The following RNFT2 variants were observed in gnomAD, a reference collection of about 807,000 sequenced individuals.
The protein encoded by RNFT2 is ring finger protein, transmembrane 2.
A neutral mutation model predicts 53.0 loss-of-function variants in RNFT2; 36 were observed. That is an observed-to-expected ratio of 0.68 (90% CI 0.52 to 0.90). The LOEUF (loss-of-function observed/expected upper bound fraction) is 0.90. Ranked by LOEUF, RNFT2 falls within the 40% of genes least tolerant of loss-of-function variation. The probability of loss-of-function intolerance (pLI) is 0.00; values close to 1 mark genes in which losing one functional copy is unlikely to be tolerated. For missense variants in RNFT2, 514 were observed against 585.6 expected (o/e 0.88, Z 1.26); for synonymous variants, 260 against 253.2 (o/e 1.03, Z -0.26).
chr12:116,830,012 G>A (rs1340999554), intron 7 of RNFT2, among the ~76,000 whole-genome samples: 3 of 151,946 alleles, frequency 2.0e-5, no homozygotes, highest in South Asian at 2.1e-4. Context: ...AATAATATGA[G>A]CATTTGCTTG....
At chr12:116,849,004 G>A (rs982467518) in intron 10 of RNFT2, among the ~76,000 whole-genome samples, 6 of 151,946 alleles carry the variant, frequency 3.9e-5, no homozygotes, top group Non-Finnish European at 5.9e-5. Flanking sequence ...TTTTTTAGTA[G>A]AGACTGGTTT....
rs138132289 is a variant in RNFT2 at position 116,847,298 on chromosome 12, C to T, written c.1201-2016C>T. 4.1e-3 allele frequency among the ~76,000 whole-genome samples: 623 copies of T among 152,250 alleles called. 2 individuals are homozygous for T. The highest frequency in any genetic ancestry group is 0.013 in the African/African-American group (551 of 41,524). On this transcript the variant is annotated intron_variant, in intron 10 of 10. Coordinates refer to ENST00000257575, the MANE Select transcript of RNFT2 (RefSeq NM_001382266.1). ...GTTGCCTTCAAAGTGCCCTTTATAG[C>T]TGGCATTTTTTTTGCCACCCCTGGG...
At chr12:116,838,022 T>TAA (rs112216457) in intron 10 of RNFT2, among the ~76,000 whole-genome samples, 1 of 151,480 alleles carries the variant, frequency 6.6e-6, no homozygotes, top group African/African-American at 2.4e-5. Flanking sequence ...CATATTTTTT[T>TAA]AAAAAAAAAC....
intron 7 of RNFT2, among the ~76,000 whole-genome samples, chr12:116,807,091 G>A (rs1031766473): frequency 6.6e-6 from 1 of 152,172 alleles, no homozygotes. Flanking sequence ...GTGGCTGGGT[G>A]CCAATGGCCC....
intron 5 of RNFT2, among the ~76,000 whole-genome samples, chr12:116,765,295 T>C (rs1872861900): frequency 6.6e-6 from 1 of 152,218 alleles, no homozygotes; most frequent in Middle Eastern, 3.2e-3. Flanking sequence ...ATCACATTGA[T>C]AAGAGCAGTT....
Position 116,808,845 on chromosome 12 carries a change from C to G in RNFT2, c.883-24947C>G, listed in dbSNP as rs181423154. 3.3e-3 allele frequency among the ~76,000 whole-genome samples: 506 copies of G among 152,314 alleles called. 4 individuals carry two copies. The highest frequency in any genetic ancestry group is 4.9e-3 in the Non-Finnish European group (334 of 68,022). On this transcript the variant is annotated intron_variant, in intron 7 of 10. Coordinates refer to ENST00000257575, the MANE Select transcript of RNFT2 (RefSeq NM_001382266.1). The stretch of plus-strand genomic sequence containing the variant: ...TCTTGCTCCCCGTCCTGTGCTCCCC[C>G]TGGCTCCCCCACTCTCACCCCCAGC...
intron 7 of RNFT2, among the ~76,000 whole-genome samples, chr12:116,800,671 T>G (rs893725142): frequency 1.6e-4 from 23 of 147,870 alleles, no homozygotes; most frequent in African/African-American, 5.8e-4. Context: ...AAAAATTAGC[T>G]GGCACTGTGG....
At chr12:116,808,371 C>T (rs868583623) in intron 7 of RNFT2, among the ~76,000 whole-genome samples, 2 of 152,182 alleles carry the variant, frequency 1.3e-5, no homozygotes, top group Non-Finnish European at 2.9e-5. Flanking sequence ...ATTACAGGTG[C>T]GAGCCGCTGC....
intron 7 of RNFT2, among the ~76,000 whole-genome samples, chr12:116,813,082 G>A (rs1032494816): frequency 2.6e-5 from 4 of 152,028 alleles, no homozygotes; most frequent in Admixed American, 6.6e-5. Flanking sequence ...CAGCCTCCCC[G>A]ATAACTGGGA....
chr12:116,847,089 A>G (rs1255620780), intron 10 of RNFT2, among the ~76,000 whole-genome samples: 3 of 151,706 alleles, frequency 2.0e-5, no homozygotes, highest in Non-Finnish European at 2.9e-5. Flanking sequence ...TTGTATTTTT[A>G]GTAGAGACGG....
chr12:116,784,413 C>T (rs986152700), intron 7 of RNFT2, among the ~76,000 whole-genome samples: 1 of 152,304 alleles, frequency 6.6e-6, no homozygotes, highest in African/African-American at 2.4e-5. Context: ...AATGAATGGG[C>T]TGCACATGGT....
chr12:116,786,223 G>T (rs924424110), intron 7 of RNFT2, among the ~76,000 whole-genome samples: 1 of 151,686 alleles, frequency 6.6e-6, no homozygotes, highest in African/African-American at 2.4e-5. Flanking sequence ...CCAGGTTCAA[G>T]GTATTCTCCT....
chr12:116,773,079 G>A (rs903205076), intron 6 of RNFT2, among the ~76,000 whole-genome samples: 1 of 151,942 alleles, frequency 6.6e-6, no homozygotes, highest in Admixed American at 6.6e-5. Flanking sequence ...CACCTGCCTC[G>A]GCTTCCCAAA....
intron 5 of RNFT2, among the ~76,000 whole-genome samples, chr12:116,758,865 C>T (rs1194667730): frequency 6.6e-6 from 1 of 152,166 alleles, no homozygotes; most frequent in Non-Finnish European, 1.5e-5. Context: ...CGATGAATTT[C>T]CCGGGTGTTC....
intron 6 of RNFT2, among the ~76,000 whole-genome samples, chr12:116,768,593 T>C (rs946575972): frequency 1.3e-5 from 2 of 152,202 alleles, no homozygotes; most frequent in African/African-American, 4.8e-5. Context: ...GGGGTAAACC[T>C]ATTGTCCTGC....
At chr12:116,772,098 T>C (rs1397540395) in intron 6 of RNFT2, among the ~76,000 whole-genome samples, 2 of 152,144 alleles carry the variant, frequency 1.3e-5, no homozygotes, top group East Asian at 3.8e-4. Context: ...TCTCAGATTT[T>C]TTTTTATTTT....
Position 116,743,213 on chromosome 12 carries a change from T to TAAAAAAAAAAAAAAAAAAAAAAA in RNFT2, c.83+2128_83+2150dup, listed in dbSNP as rs762013507. ...TGATTAATAGATACCAGGTAGAATC[T>TAAAAAAAAAAAAAAAAAAAAAAA]AAAAAAAAAAAAAAAAAAAAAAAAA... On this transcript the variant is annotated intron_variant, in intron 3 of 10. Transcript: ENST00000257575. Among the ~76,000 whole-genome samples the TAAAAAAAAAAAAAAAAAAAAAAA allele has an allele frequency of 3.4e-3, 36 of 10,678 alleles. 13 individuals are homozygous for TAAAAAAAAAAAAAAAAAAAAAAA. Among genetic ancestry groups the TAAAAAAAAAAAAAAAAAAAAAAA allele is most frequent in the Non-Finnish European group, 3.8e-3 (22 of 5,812 alleles). The allele number at this position is 10,678 out of a possible 152,430, so 7.0% of individuals were successfully genotyped here.
At chr12:116,777,064 T>G (rs1447401916) in intron 6 of RNFT2, among the ~76,000 whole-genome samples, 2 of 151,894 alleles carry the variant, frequency 1.3e-5, no homozygotes, top group Non-Finnish European at 2.9e-5. Context: ...ACTACAGGCA[T>G]GCACCACCAT....
At chr12:116,760,104 T>C (rs558237936) in intron 5 of RNFT2, among the ~76,000 whole-genome samples, 1 of 152,104 alleles carries the variant, frequency 6.6e-6, no homozygotes, top group East Asian at 1.9e-4. Flanking sequence ...TTCTGCTGAG[T>C]CATGCAGGTT....
Sources: gnomAD v4.1 joint callset for allele counts (sites outside exome capture counted in the v4.1 genomes callset) on GRCh38, gnomAD v4.1.1 for gene constraint, MANE v1.5 for transcripts, NCBI Gene and HGNC (gene_info 2026-07-23, HGNC 2026-07-21) for gene names.